PANK3: variants seen among roughly 807,000 people sequenced by gnomAD.
PANK3 encodes hPanK3.
In PANK3, 20 loss-of-function variants were observed where a neutral mutation model predicts 39.4. The ratio of observed to expected loss-of-function variants is 0.51; its 90% CI spans 0.36 to 0.74. The LOEUF is 0.74. Ranked by LOEUF, PANK3 falls within the 30% of genes least tolerant of loss-of-function variation. PANK3 has a pLI of 0.00. For synonymous variants in PANK3, 140 were observed against 157.3 expected (o/e 0.89, Z 0.82); for missense variants, 265 against 437.0 (o/e 0.61, Z 3.51).
At chr5:168,566,967 C>T (rs1377970112) in intron 2 of PANK3, among the ~76,000 whole-genome samples, 1 of 152,202 alleles carries the variant, frequency 6.6e-6, no homozygotes, top group East Asian at 1.9e-4. Context: ...TGGTCTCCAG[C>T]TCCTAACCTC....
chr5:168,573,986 A>G (rs1582468705), intron 1 of PANK3, among the ~76,000 whole-genome samples: 1 of 151,876 alleles, frequency 6.6e-6, no homozygotes, highest in East Asian at 1.9e-4. Context: ...ATACGTGTGC[A>G]TGTGTCTTTA....
rs1199111740 is a variant in PANK3 at position 168,561,377 on chromosome 5, T to C, written c.936+16A>G. Reference sequence around the variant, plus strand: ...CATTTTTGATAATTCAAGTTTTGTGTTTTTTGTTTTTTTACCTCATTAACA... The same window carrying C: ...CATTTTTGATAATTCAAGTTTTGTGCTTTTTGTTTTTTTACCTCATTAACA... On this transcript the variant is annotated intron_variant, in intron 5 of 6. Transcript: ENST00000239231. 1.9e-6 allele frequency: 3 copies of C among 1,562,228 alleles called. No homozygotes were observed. Among genetic ancestry groups the C allele is most frequent in the Admixed American group, 2.0e-5 (1 of 50,954 alleles).
chr5:168,565,872 T>A (rs865900696), intron 3 of PANK3, 141 bp downstream of exon 3: 108 of 155,084 alleles, frequency 7.0e-4, no homozygotes, highest in African/African-American at 1.4e-3. Context: ...AAAAAAAATA[T>A]ATATATATAT....
At position 168,557,755 on chromosome 5, in the gene PANK3, T is replaced by C. The variant is rs1759372529; in HGVS notation, c.1063-134A>G. On this transcript the variant is annotated intron_variant, in intron 6 of 6. Coordinates refer to ENST00000239231, the MANE Select transcript of PANK3 (RefSeq NM_024594.4). ...TGGAAACCTACCAATTTCTGCGTTG[T>C]TAGCTATTATAAAAAATTTTCTGAA... The C allele has an allele frequency of 6.3e-5, 41 of 651,718 alleles. 2 individuals carry two copies. In the South Asian group the frequency reaches 1.1e-3, roughly 17 times the overall value. 40.4% of individuals were successfully genotyped at this position (651,718 alleles called of 1,614,324 possible). A position where few individuals can be genotyped will look rare whatever the true frequency, so the allele number is the denominator to read the frequency against.
chr5:168,569,493 T>C (rs773465622), intron 1 of PANK3, among the ~76,000 whole-genome samples: 9 of 151,824 alleles, frequency 5.9e-5, no homozygotes, highest in African/African-American at 9.7e-5. Flanking sequence ...CGCTCGGCCC[T>C]TCAAAGTTTT....
Position 168,556,762 on chromosome 5 carries a change from C to A in PANK3, c.*809G>T, listed in dbSNP as rs1759355608. ...TAAAAGTTCTGAATGTATATATGAC[C>A]AAAACAAACAAACAAAAAGAGCACA... On this transcript the variant is annotated 3_prime_UTR_variant, in exon 7 of 7. Coordinates refer to ENST00000239231, the MANE Select transcript of PANK3 (RefSeq NM_024594.4). 6.6e-6 allele frequency: 1 copy of A among 152,368 alleles called. No individual in the cohort carries two copies. Among genetic ancestry groups the A allele is most frequent in the Non-Finnish European group, 1.5e-5 (1 of 67,996 alleles). 9.4% of individuals were successfully genotyped at this position (152,368 alleles called of 1,614,324 possible). A position where few individuals can be genotyped will look rare whatever the true frequency, so the allele number is the denominator to read the frequency against.
At position 168,579,249 on chromosome 5, in the gene PANK3, G is replaced by A. The variant is rs759175516; in HGVS notation, c.28+7C>T. 4 of 1,493,574 alleles carry A rather than the reference G, an allele frequency of 2.7e-6. No individual in the cohort carries two copies. The Admixed American group carries it at 7.2e-5, about 27-fold the overall frequency. The allele number at this position is 1,493,574 out of a possible 1,614,324, so 92.5% of individuals were successfully genotyped here. The stretch of plus-strand genomic sequence containing the variant: ...CCCAACCTGGCGGGCCCCAGCCCCC[G>A]TCTTACAGGGTTTCTTGGCATCTTT... On this transcript the variant is annotated splice_region_variant and intron_variant, in intron 1 of 6. Coordinates refer to ENST00000239231, the MANE Select transcript of PANK3 (RefSeq NM_024594.4).
intron 3 of PANK3, among the ~76,000 whole-genome samples, chr5:168,565,206 T>C (rs76372881): frequency 6.6e-6 from 1 of 152,190 alleles, no homozygotes; most frequent in Non-Finnish European, 1.5e-5. Context: ...TGAGTTTTTT[T>C]CACAAATTAA....
chr5:168,572,334 G>A (rs1759651753), intron 1 of PANK3, among the ~76,000 whole-genome samples: 2 of 151,450 alleles, frequency 1.3e-5, no homozygotes, highest in Admixed American at 1.4e-4. Flanking sequence ...GGATGGTTTT[G>A]ATCTCCTAAC....
Position 168,557,546 on chromosome 5 carries a change from T to C in PANK3, c.*25A>G, listed in dbSNP as rs1561838825. 3.7e-6 allele frequency: 6 copies of C among 1,605,118 alleles called. No homozygotes were observed. The highest frequency in any genetic ancestry group is 3.3e-4 in the Middle Eastern group (2 of 6,036). On this transcript the variant is annotated 3_prime_UTR_variant, in exon 7 of 7. Transcript: ENST00000239231. Reference sequence around the variant, plus strand: ...TTTAGTTCCTCTTGGATGACATTTATTAGCAGAGAGAGAGACCTGATGCTT... The same window carrying C: ...TTTAGTTCCTCTTGGATGACATTTACTAGCAGAGAGAGAGACCTGATGCTT...
intron 5 of PANK3, 122 bp from the exon 6 acceptor site, chr5:168,559,279 T>C (rs1016852404): frequency 3.0e-5 from 18 of 596,162 alleles, no homozygotes; most frequent in South Asian, 2.7e-4. Flanking sequence ...GCTTTATTAG[T>C]ATAACACCTA....
Position 168,553,235 on chromosome 5 carries a change from C to T in PANK3, c.*4336G>A, listed in dbSNP as rs1246878502. On this transcript the variant is annotated 3_prime_UTR_variant, in exon 7 of 7. Coordinates refer to ENST00000239231, the MANE Select transcript of PANK3 (RefSeq NM_024594.4). ...ATCTGGATCTCCAGAATACCAACGA[C>T]GTCCAGCTGGTTGAGAGCACTAAAG... 4 of 508,950 alleles carry T rather than the reference C, an allele frequency of 7.9e-6. No individual in the cohort carries two copies. The highest frequency in any genetic ancestry group is 2.0e-5 in the African/African-American group (1 of 50,664). The allele number at this position is 508,950 out of a possible 1,614,324, so 31.5% of individuals were successfully genotyped here.
At chr5:168,565,295 A>T (rs963303616) in intron 3 of PANK3, among the ~76,000 whole-genome samples, 4 of 152,216 alleles carry the variant, frequency 2.6e-5, no homozygotes, top group African/African-American at 4.8e-5. Flanking sequence ...ACATAAAAGA[A>T]TCATGAGTTT....
chr5:168,553,441 T>C lies in PANK3; in HGVS notation c.*4130A>G, dbSNP rs1274412142. 3 of 408,316 alleles carry C rather than the reference T, an allele frequency of 7.3e-6. No individual in the cohort carries two copies. Among genetic ancestry groups the C allele is most frequent in the South Asian group, 3.8e-5 (2 of 52,268 alleles). 25.3% of individuals were successfully genotyped at this position (408,316 alleles called of 1,614,324 possible). ...CAACAAATTATGATAAGCATTGAAC[T>C]GCACCTGCCAAAGTGGTTGACAAAG... On this transcript the variant is annotated 3_prime_UTR_variant, in exon 7 of 7. Transcript: ENST00000239231.
Position 168,568,678 on chromosome 5 carries a change from C to T in PANK3, c.349G>A (p.Gly117Ser). 1 of 1,611,610 alleles carries T rather than the reference C, an allele frequency of 6.2e-7. No individual in the cohort carries two copies. Among genetic ancestry groups the T allele is most frequent in the African/African-American group, 1.3e-5 (1 of 74,852 alleles). Residue 117 changes from glycine (G) to serine (S), a missense_variant, in exon 2 of 7, where the codon GGT becomes AGT. Transcript: ENST00000239231. ...LQTVLCATGG[G>S]AYKFEKDFRT... ...AAATCTTTTTCAAACTTGTAAGCAC[C>T]ACCTCCTGTAGCACATAGCACCGTC...
intron 1 of PANK3, among the ~76,000 whole-genome samples, chr5:168,578,891 A>T (rs2113044320): frequency 1.3e-5 from 2 of 152,334 alleles, no homozygotes; most frequent in East Asian, 3.9e-4. Context: ...ACAGGTGCTA[A>T]AAGCCGCCAG....
rs184585537 is a variant in PANK3, at chr5:168,550,301, C to T, written c.*7270G>A. On this transcript the variant is annotated 3_prime_UTR_variant, in exon 7 of 7. Transcript: ENST00000239231. Reference sequence around the variant, plus strand: ...ATAGGCTAGGCTAAGCTGGGATGTTCAGTAGGTTAGGCGTATTAAATGTAT... The same window carrying T: ...ATAGGCTAGGCTAAGCTGGGATGTTTAGTAGGTTAGGCGTATTAAATGTAT... 2.0e-5 allele frequency: 3 copies of T among 152,254 alleles called. No individual in the cohort carries two copies. The East Asian group carries it at 5.8e-4, about 29-fold the overall frequency. 9.4% of individuals were successfully genotyped at this position (152,254 alleles called of 1,614,324 possible).
At chr5:168,563,405 A>ACT (rs1362953744) in intron 4 of PANK3, among the ~76,000 whole-genome samples, 1 of 152,198 alleles carries the variant, frequency 6.6e-6, no homozygotes, top group Admixed American at 6.6e-5. Context: ...TCTACTGGTG[A>ACT]AACAGGCACT....
intron 1 of PANK3, among the ~76,000 whole-genome samples, chr5:168,574,253 T>C (rs1759695559): frequency 6.6e-6 from 1 of 151,276 alleles, no homozygotes; most frequent in African/African-American, 2.4e-5. Context: ...TTGATTTGCA[T>C]TTCTCTGATG....
Sources: allele counts gnomAD v4.1 joint callset (sites outside exome capture counted in the v4.1 genomes callset), GRCh38; gene constraint gnomAD v4.1.1; transcripts MANE v1.5; gene names NCBI Gene and HGNC (gene_info 2026-07-23, HGNC 2026-07-21).